The following MAGI2 variants were observed in gnomAD, a reference collection of about 807,000 sequenced individuals.
MAGI2 encodes membrane associated guanylate kinase, WW and PDZ domain containing 2, also known as membrane-associated guanylate kinase, WW and PDZ domain-containing protein 2.
In MAGI2, 35 loss-of-function variants were observed where a neutral mutation model predicts 133.3. That is an observed-to-expected ratio of 0.26 (90% CI 0.20 to 0.35). The LOEUF (loss-of-function observed/expected upper bound fraction) is 0.35, where lower values mean the gene tolerates loss of function less well. Ranked by LOEUF, MAGI2 falls within the 10% of genes least tolerant of loss-of-function variation. The probability of loss-of-function intolerance (pLI) is 1.00; values close to 1 mark genes in which losing one functional copy is unlikely to be tolerated. For synonymous variants in MAGI2, 729 were observed against 710.6 expected (o/e 1.03, Z -0.41); for missense variants, 1,636 against 1,863.4 (o/e 0.88, Z 2.25).
At chr7:78,245,232 T>C (rs558465995) in intron 10 of MAGI2, among the ~76,000 whole-genome samples, 3 of 152,292 alleles carry the variant, frequency 2.0e-5, no homozygotes, top group African/African-American at 7.2e-5. Context: ...TCCAGGGGGA[T>C]AGGAGATATA....
chr7:79,035,223 G>T (rs942054897), intron 1 of MAGI2, among the ~76,000 whole-genome samples: 4 of 151,890 alleles, frequency 2.6e-5, no homozygotes, highest in Non-Finnish European at 1.5e-5. Context: ...GCGGGGGCAG[G>T]GGGGGTGGTG....
rs1842710511 is a variant in MAGI2, at chr7:79,366,324, T to C, written c.301+86696A>G. Among the ~76,000 whole-genome samples, 5 of 152,276 alleles carry C rather than the reference T, an allele frequency of 3.3e-5. 1 individual carries two copies. The South Asian group carries it at 1.0e-3, about 32-fold the overall frequency. On this transcript the variant is annotated intron_variant, in intron 1 of 21. Coordinates refer to ENST00000354212, the MANE Select transcript of MAGI2 (RefSeq NM_012301.4). The stretch of plus-strand genomic sequence containing the variant: ...ACTGTATGATTCCATTTATACGACA[T>C]TTTTGAAATAACAACATTTTCAAAA...
At chr7:78,599,745 C>G (rs1804985706) in intron 3 of MAGI2, among the ~76,000 whole-genome samples, 1 of 152,142 alleles carries the variant, frequency 6.6e-6, no homozygotes, top group South Asian at 2.1e-4. Context: ...AGGTTCTCCC[C>G]TAATTTGGTA....
chr7:78,065,937 C>A (rs1436050385), intron 21 of MAGI2, among the ~76,000 whole-genome samples: 1 of 152,014 alleles, frequency 6.6e-6, no homozygotes, highest in East Asian at 1.9e-4. Context: ...AATGGAGGCA[C>A]AAATGTTAAT....
At chr7:78,961,317 C>T (rs531189180) in intron 2 of MAGI2, among the ~76,000 whole-genome samples, 2 of 152,158 alleles carry the variant, frequency 1.3e-5, no homozygotes, top group South Asian at 4.1e-4. Context: ...CCTCGAGGCT[C>T]CCCTGTTACT....
intron 2 of MAGI2, among the ~76,000 whole-genome samples, chr7:78,836,496 G>T (rs1791628153): frequency 6.6e-6 from 1 of 152,158 alleles, no homozygotes; most frequent in Non-Finnish European, 1.5e-5. Flanking sequence ...AATGCTTATT[G>T]ATAGAGAGTA....
intron 6 of MAGI2, among the ~76,000 whole-genome samples, chr7:78,394,814 C>T (rs938894158): frequency 6.6e-6 from 1 of 152,172 alleles, no homozygotes; most frequent in African/African-American, 2.4e-5. Context: ...CCAGGCTTTA[C>T]TCTAAGTACA....
intron 1 of MAGI2, among the ~76,000 whole-genome samples, chr7:79,016,965 G>A (rs191053772): frequency 7.2e-5 from 11 of 152,310 alleles, no homozygotes; most frequent in Admixed American, 6.5e-5. Context: ...ATGCATGCAC[G>A]GACACTGGCG....
rs1377823527 is a variant in MAGI2 at position 78,256,520 on chromosome 7, G to C, written c.1470C>G (p.Val490=). Reference sequence around the variant, plus strand: ...CAATAGGAACAGACTGGAAAAGTTTGACAACATCTGCATGAGTGTGTCCAA... The same window carrying C: ...CAATAGGAACAGACTGGAAAAGTTTCACAACATCTGCATGAGTGTGTCCAA... The part of the protein sequence containing the change: ...CVLGHTHADV[V]KLFQSVPIGQ... Residue 490 remains valine, a synonymous_variant, in exon 10 of 22, where the codon GTC becomes GTG. Transcript: ENST00000354212. The C allele has an allele frequency of 1.2e-6, 2 of 1,613,740 alleles. No homozygotes were observed. Among genetic ancestry groups the C allele is most frequent in the Non-Finnish European group, 8.5e-7 (1 of 1,179,924 alleles).
At chr7:79,086,433 T>C (rs937188442) in intron 1 of MAGI2, among the ~76,000 whole-genome samples, 1 of 151,826 alleles carries the variant, frequency 6.6e-6, no homozygotes, top group Non-Finnish European at 1.5e-5. Flanking sequence ...AAAACAGATA[T>C]AGGAAGAATT....
intron 5 of MAGI2, 93 bp downstream of exon 5, chr7:78,501,484 C>CTTTTTTTTTTTTTTT (rs554529806): frequency 2.6e-6 from 2 of 779,810 alleles, no homozygotes; most frequent in African/African-American, 1.9e-5. Context: ...ATGTTTTTTT[C>CTTTTTTTTTTTTTTT]TTTTTTTTTT....
At chr7:79,013,262 C>T (rs1808361384) in intron 1 of MAGI2, among the ~76,000 whole-genome samples, 1 of 152,032 alleles carries the variant, frequency 6.6e-6, no homozygotes, top group African/African-American at 2.4e-5. Flanking sequence ...GAATAATCTC[C>T]TTTTGATATT....
In MAGI2 at chr7:78,623,704, T is replaced by C. The variant is rs1807997248; in HGVS notation, c.538+3416A>G. Reference sequence around the variant, plus strand: ...GCCTTATAAATGCTAATGGAAGAGATTTTAATACTTTTAACAACTTCAAAA... The same window carrying C: ...GCCTTATAAATGCTAATGGAAGAGACTTTAATACTTTTAACAACTTCAAAA... On this transcript the variant is annotated intron_variant, in intron 3 of 21. Transcript: ENST00000354212. Among the ~76,000 whole-genome samples, 3 of 152,234 alleles carry C rather than the reference T, an allele frequency of 2.0e-5. No homozygotes were observed. In the South Asian group the frequency reaches 6.2e-4, roughly 32 times the overall value.
chr7:78,238,264 A>G (rs13223231), intron 10 of MAGI2, among the ~76,000 whole-genome samples: 44,385 of 151,928 alleles, frequency 0.29, 7,555 homozygotes, highest in Non-Finnish European at 0.37. Context: ...AGCCATCTCT[A>G]CGTGGATGGC....
chr7:79,092,692 T>C (rs937280283), intron 1 of MAGI2, among the ~76,000 whole-genome samples: 4 of 152,180 alleles, frequency 2.6e-5, no homozygotes, highest in African/African-American at 9.6e-5. Context: ...CATAAACCAA[T>C]AATTATTTTC....
chr7:78,036,483 TTC>T (rs1338400764), intron 21 of MAGI2, among the ~76,000 whole-genome samples: 1 of 152,214 alleles, frequency 6.6e-6, no homozygotes, highest in Non-Finnish European at 1.5e-5. Flanking sequence ...TGTGCATGCG[TTC>T]TGTCATTTAA....
At chr7:78,468,853 T>C (rs1790909451) in intron 6 of MAGI2, among the ~76,000 whole-genome samples, 1 of 152,078 alleles carries the variant, frequency 6.6e-6, no homozygotes. Context: ...GTGACACAAG[T>C]TTAGCCAAGT....
intron 1 of MAGI2, among the ~76,000 whole-genome samples, chr7:79,451,045 T>A (rs1012166657): frequency 1.3e-5 from 2 of 152,228 alleles, no homozygotes; most frequent in Non-Finnish European, 2.9e-5. Context: ...GTTAAGTCTT[T>A]CCACGGCATT....
chr7:78,255,356 G>A (rs529385511), intron 10 of MAGI2: 1 of 159,060 alleles, frequency 6.3e-6, no homozygotes, highest in East Asian at 1.9e-4. Flanking sequence ...ATGGGTAATT[G>A]TTGCTAGTGC....
Sources: gnomAD v4.1 joint callset for allele counts (sites outside exome capture counted in the v4.1 genomes callset) on GRCh38, gnomAD v4.1.1 for gene constraint, MANE v1.5 for transcripts, NCBI Gene and HGNC (gene_info 2026-07-23, HGNC 2026-07-21) for gene names.